The following DNAJC12 variants were observed in gnomAD, a reference collection of about 807,000 sequenced individuals.
The protein encoded by DNAJC12 is dnaJ homolog subfamily C member 12.
A neutral mutation model predicts 28.5 loss-of-function variants in DNAJC12; 25 were observed. The observed-to-expected ratio is 0.88, with a 90% CI of 0.64 to 1.22. The LOEUF (loss-of-function observed/expected upper bound fraction) is 1.22, where lower values mean the gene tolerates loss of function less well. Ranked by LOEUF, DNAJC12 falls within the 50% of genes most tolerant of loss-of-function variation. The probability of loss-of-function intolerance (pLI) is 0.00; values close to 1 mark genes in which losing one functional copy is unlikely to be tolerated. For synonymous variants in DNAJC12, 77 were observed against 80.6 expected (o/e 0.95, Z 0.24); for missense variants, 222 against 231.7 (o/e 0.96, Z 0.27).
intron 2 of DNAJC12, chr10:67,816,089 T>C (rs1213542560): frequency 2.5e-6 from 1 of 398,510 alleles, no homozygotes; most frequent in South Asian, 1.3e-4. Context: ...GAGCAAATGA[T>C]GCTGGAAGTC....
chr10:67,832,991 T>C (rs1160176060), intron 1 of DNAJC12, among the ~76,000 whole-genome samples: 1 of 152,104 alleles, frequency 6.6e-6, no homozygotes, highest in Non-Finnish European at 1.5e-5. Context: ...TGAGAAAATA[T>C]CAAAGTCAAA....
chr10:67,806,211 G>A (rs116499410), intron 3 of DNAJC12, among the ~76,000 whole-genome samples: 3,520 of 152,164 alleles, frequency 0.023, 138 homozygotes, highest in African/African-American at 0.08. Flanking sequence ...AAACCTCATC[G>A]GGATATTGTG....
chr10:67,831,044 C>T (rs552190075), intron 1 of DNAJC12, among the ~76,000 whole-genome samples: 8 of 152,084 alleles, frequency 5.3e-5, no homozygotes, highest in Non-Finnish European at 1.0e-4. Flanking sequence ...AAAAATTAGC[C>T]GGGTGTGGTA....
chr10:67,827,258 G>A (rs1308599859), intron 1 of DNAJC12, among the ~76,000 whole-genome samples: 3 of 151,722 alleles, frequency 2.0e-5, no homozygotes, highest in South Asian at 2.1e-4. Context: ...ATGATGGCAC[G>A]AGCCTGTAAT....
chr10:67,797,322 A>G (rs1358840732), intron 4 of DNAJC12, 112 bp from the exon 5 acceptor site: 3 of 765,214 alleles, frequency 3.9e-6, no homozygotes, highest in South Asian at 1.8e-5. Context: ...ATGTAAGGGT[A>G]AGACTTTGGT....
intron 4 of DNAJC12, among the ~76,000 whole-genome samples, chr10:67,799,193 T>C (rs191414911): frequency 2.6e-5 from 4 of 152,234 alleles, no homozygotes; most frequent in Non-Finnish European, 5.9e-5. Context: ...GAATAATATA[T>C]AAAATACACT....
chr10:67,811,501 G>T, intron 3 of DNAJC12, 23 bp downstream of exon 3: 2 of 1,613,532 alleles, frequency 1.2e-6, no homozygotes, highest in South Asian at 1.1e-5. Context: ...ACAAATTCAC[G>T]TCGCACCCAG....
intron 3 of DNAJC12, among the ~76,000 whole-genome samples, chr10:67,807,299 G>A (rs1056429792): frequency 6.6e-5 from 10 of 151,978 alleles, no homozygotes; most frequent in African/African-American, 1.7e-4. Flanking sequence ...AAAATTAGGC[G>A]AAGTTTCGAT....
At chr10:67,836,372 A>G (rs1842142763) in intron 1 of DNAJC12, among the ~76,000 whole-genome samples, 2 of 152,294 alleles carry the variant, frequency 1.3e-5, no homozygotes, top group African/African-American at 4.8e-5. Context: ...AAATTGAAAA[A>G]AAAAAAAAAG....
intron 2 of DNAJC12, among the ~76,000 whole-genome samples, chr10:67,812,238 G>A (rs540870541): frequency 6.6e-6 from 1 of 152,290 alleles, no homozygotes; most frequent in Admixed American, 6.5e-5. Context: ...GTAATTGCCA[G>A]TGTGGCTGGA....
At chr10:67,810,995 T>A (rs1274489259) in intron 3 of DNAJC12, 1 of 152,490 alleles carries the variant, frequency 6.6e-6, no homozygotes, top group East Asian at 1.9e-4. Flanking sequence ...TATTTTGATA[T>A]TTATGCCTTT....
At position 67,836,821 on chromosome 10, in the gene DNAJC12, C is replaced by T. The variant is rs192533084; in HGVS notation, c.78+1113G>A. 5.9e-3 allele frequency among the ~76,000 whole-genome samples: 897 copies of T among 151,576 alleles called. 11 individuals carry two copies. Among genetic ancestry groups the T allele is most frequent in the African/African-American group, 0.021 (851 of 41,352 alleles). Reference sequence around the variant, plus strand: ...GCACATTTTATTAATGAACTACTGCCTTTATGAAACAACAATAAATATAAA... The same window carrying T: ...GCACATTTTATTAATGAACTACTGCTTTTATGAAACAACAATAAATATAAA... On this transcript the variant is annotated intron_variant, in intron 1 of 4. Coordinates refer to ENST00000225171, the MANE Select transcript of DNAJC12 (RefSeq NM_021800.3).
At chr10:67,823,200 T>G in intron 2 of DNAJC12, 114 bp downstream of exon 2, 1 of 816,588 alleles carries the variant, frequency 1.2e-6, no homozygotes, top group African/African-American at 1.7e-5. Flanking sequence ...AAAGAAAGAA[T>G]ACGGTTGAGC....
chr10:67,811,573 A>T lies in DNAJC12; in HGVS notation c.248T>A (p.Met83Lys). The T allele has an allele frequency of 6.2e-7, 1 of 1,614,188 alleles. No individual in the cohort carries two copies. The highest frequency in any genetic ancestry group is 8.5e-7 in the Non-Finnish European group (1 of 1,180,022). The stretch of plus-strand genomic sequence containing the variant: ...TTCCCACTGCTGGAATGGCATCGAC[A>T]TCTGGCTCCTTCGCCAGTGGTCATA... The part of the protein sequence containing the change: ...ARYDHWRRSQ[M>K]SMPFQQWEAL... The change falls in exon 3 of 5, where the codon ATG (methionine) becomes AAG (lysine). Residue 83 changes from methionine (M) to lysine (K), a missense_variant. Transcript: ENST00000225171.
Position 67,814,853 on chromosome 10 carries a change from T to C in DNAJC12, c.158-3190A>G, listed in dbSNP as rs181378890. On this transcript the variant is annotated intron_variant, in intron 2 of 4. Coordinates refer to ENST00000225171, the MANE Select transcript of DNAJC12 (RefSeq NM_021800.3). ...TAGGATGGCTAAAATTAAAGGATAA[T>C]AATTGTCTAGAATGTGAAAAAATTG... is the stretch of plus-strand genomic sequence containing the variant. 2.0e-5 allele frequency among the ~76,000 whole-genome samples: 3 copies of C among 152,266 alleles called. No homozygotes were observed. The East Asian group carries it at 5.8e-4, about 29-fold the overall frequency.
chr10:67,805,656 G>A lies in DNAJC12; in HGVS notation c.429C>T (p.Thr143=), dbSNP rs763081103. The change falls in exon 4 of 5, where the codon ACC becomes ACT. Residue 143 remains threonine, a synonymous_variant. Coordinates refer to ENST00000225171, the MANE Select transcript of DNAJC12 (RefSeq NM_021800.3). The part of the protein sequence containing the change: ...RERKKEELAS[T]AEKTEQKEPK... Reference sequence around the variant, plus strand: ...GTTCTTTCTGCTCCGTTTTCTCTGCGGTTGAAGCCAGCTCCTCTTTCTTTC... The same window carrying A: ...GTTCTTTCTGCTCCGTTTTCTCTGCAGTTGAAGCCAGCTCCTCTTTCTTTC... 1.1e-5 allele frequency: 17 copies of A among 1,613,362 alleles called. No homozygotes were observed. Among genetic ancestry groups the A allele is most frequent in the South Asian group, 5.5e-5 (5 of 90,968 alleles).
chr10:67,819,816 G>GGAAGGAAGGAAGGAAGGAAT lies in DNAJC12; in HGVS notation c.157+3497_157+3498insATTCCTTCCTTCCTTCCTTC, dbSNP rs1268302354. 6.7e-4 allele frequency among the ~76,000 whole-genome samples: 99 copies of GGAAGGAAGGAAGGAAGGAAT among 147,900 alleles called. 3 individuals are homozygous for GGAAGGAAGGAAGGAAGGAAT. Among genetic ancestry groups the GGAAGGAAGGAAGGAAGGAAT allele is most frequent in the African/African-American group, 2.4e-3 (93 of 38,346 alleles). On this transcript the variant is annotated intron_variant, in intron 2 of 4. Transcript: ENST00000225171. The stretch of plus-strand genomic sequence containing the variant: ...AGGAAGGAAGGAAGGAAGGAAGGAA[G>GGAAGGAAGGAAGGAAGGAAT]GAATGTTTATGCATTCACTTATTCA...
chr10:67,833,509 C>T (rs1029813393), intron 1 of DNAJC12, among the ~76,000 whole-genome samples: 1 of 151,970 alleles, frequency 6.6e-6, no homozygotes, highest in South Asian at 2.1e-4. Context: ...TTAGTGCCTC[C>T]TTAAATTTTG....
At chr10:67,816,728 G>A (rs1012693077) in intron 2 of DNAJC12, among the ~76,000 whole-genome samples, 2 of 152,020 alleles carry the variant, frequency 1.3e-5, no homozygotes, top group African/African-American at 4.8e-5. Context: ...TGTACTTTTA[G>A]TAGAGACGAG....
Sources: gnomAD v4.1 joint callset for allele counts (sites outside exome capture counted in the v4.1 genomes callset) on GRCh38, gnomAD v4.1.1 for gene constraint, MANE v1.5 for transcripts, NCBI Gene and HGNC (gene_info 2026-07-23, HGNC 2026-07-21) for gene names.